The following ENTREP2 variants were observed in gnomAD, a reference collection of about 807,000 sequenced individuals.
The protein encoded by ENTREP2 is endosomal transmembrane epsin interactor 2.
the ENTREP2 span, among the ~76,000 whole-genome samples, chr15:29,275,445 T>C: frequency 6.6e-6 from 1 of 152,232 alleles, no homozygotes; most frequent in African/African-American, 2.4e-5. Flanking sequence ...ATGGCATTTG[T>C]GACTTTCTGT....
the ENTREP2 span, chr15:29,235,126 A>G: frequency 1.0e-6 from 1 of 990,718 alleles, no homozygotes. Flanking sequence ...GGCAGGAGCC[A>G]CCCCGAGACA....
At chr15:29,347,796 C>T in the ENTREP2 span, among the ~76,000 whole-genome samples, 24 of 152,188 alleles carry the variant, frequency 1.6e-4, no homozygotes, top group African/African-American at 5.5e-4. Context: ...GCCAACACAG[C>T]AGCAACTGCA....
At chr15:29,261,071 A>T in the ENTREP2 span, among the ~76,000 whole-genome samples, 1 of 152,216 alleles carries the variant, frequency 6.6e-6, no homozygotes, top group African/African-American at 2.4e-5. Context: ...GAACAACACA[A>T]TTAACAAGCT....
At chr15:29,643,455 G>A in the ENTREP2 span, among the ~76,000 whole-genome samples, 1 of 152,162 alleles carries the variant, frequency 6.6e-6, no homozygotes, top group South Asian at 2.1e-4. Flanking sequence ...AGAAAATCTA[G>A]ACTCGAAAAT....
At chr15:29,305,052 T>A in the ENTREP2 span, among the ~76,000 whole-genome samples, 2 of 152,238 alleles carry the variant, frequency 1.3e-5, no homozygotes, top group East Asian at 1.9e-4. Context: ...TATGCCTTCA[T>A]TAGGATGTGA....
chr15:29,291,888 T>C, the ENTREP2 span, among the ~76,000 whole-genome samples: 1 of 152,084 alleles, frequency 6.6e-6, no homozygotes, highest in African/African-American at 2.4e-5. Context: ...TCAGAGTACA[T>C]TTAAAATATC....
chr15:29,433,165 G>A, the ENTREP2 span, among the ~76,000 whole-genome samples: 1 of 152,156 alleles, frequency 6.6e-6, no homozygotes, highest in Non-Finnish European at 1.5e-5. Flanking sequence ...CCCAGCACTG[G>A]TGGCTGTGAC....
At chr15:29,616,587 G>C in the ENTREP2 span, among the ~76,000 whole-genome samples, 10 of 152,134 alleles carry the variant, frequency 6.6e-5, no homozygotes, top group African/African-American at 2.4e-4. Context: ...CTGATTGGTT[G>C]AATTTTTGAT....
chr15:29,648,894 G>C, the ENTREP2 span, among the ~76,000 whole-genome samples: 1 of 151,756 alleles, frequency 6.6e-6, no homozygotes, highest in Non-Finnish European at 1.5e-5. Context: ...AGCCAAGACT[G>C]TGCCATTGTA....
At chr15:29,158,422 T>G in the ENTREP2 span, among the ~76,000 whole-genome samples, 11 of 104,280 alleles carry the variant, frequency 1.1e-4, no homozygotes, top group Non-Finnish European at 1.8e-4. Context: ...TTTTTTTTTT[T>G]TGAGATGTAG....
chr15:29,523,951 G>A, the ENTREP2 span, among the ~76,000 whole-genome samples: 197 of 152,186 alleles, frequency 1.3e-3, no homozygotes, highest in Admixed American at 8.5e-3. Context: ...AGATATAGAT[G>A]TAAATTTTCA....
the ENTREP2 span, among the ~76,000 whole-genome samples, chr15:29,516,253 T>A: frequency 6.6e-6 from 1 of 152,082 alleles, no homozygotes; most frequent in African/African-American, 2.4e-5. Flanking sequence ...TCACACAGGG[T>A]ACACACAGTC....
the ENTREP2 span, among the ~76,000 whole-genome samples, chr15:29,644,620 T>A: frequency 2.7e-5 from 4 of 150,894 alleles, no homozygotes; most frequent in Admixed American, 2.0e-4. Flanking sequence ...CTGGGCAACA[T>A]GGTGAAACCC....
At chr15:29,168,459 A>T in the ENTREP2 span, among the ~76,000 whole-genome samples, 78 of 152,358 alleles carry the variant, frequency 5.1e-4, no homozygotes, top group African/African-American at 1.7e-3. Flanking sequence ...TCTGTAATTT[A>T]AATTTTCCAC....
chr15:29,583,926 GA>G, the ENTREP2 span, among the ~76,000 whole-genome samples: 1 of 152,106 alleles, frequency 6.6e-6, no homozygotes, highest in Non-Finnish European at 1.5e-5. Flanking sequence ...CTAAAACTGT[GA>G]AACTCTTTGA....
the ENTREP2 span, among the ~76,000 whole-genome samples, chr15:29,287,491 C>A: frequency 2.0e-5 from 3 of 151,766 alleles, no homozygotes; most frequent in Admixed American, 2.0e-4. Flanking sequence ...TGTGGCACAG[C>A]AATAGATAAC....
At chr15:29,301,690 T>C in the ENTREP2 span, among the ~76,000 whole-genome samples, 2 of 152,122 alleles carry the variant, frequency 1.3e-5, no homozygotes, top group Non-Finnish European at 2.9e-5. Flanking sequence ...TTGTGGCCCA[T>C]GAGATTAACA....
the ENTREP2 span, among the ~76,000 whole-genome samples, chr15:29,587,462 C>T: frequency 6.6e-6 from 1 of 152,042 alleles, no homozygotes; most frequent in African/African-American, 2.4e-5. Flanking sequence ...TAAGAATACT[C>T]ATTGTAAGGC....
At chr15:29,215,129 G>A in the ENTREP2 span, among the ~76,000 whole-genome samples, 2 of 152,148 alleles carry the variant, frequency 1.3e-5, no homozygotes, top group Admixed American at 6.6e-5. Context: ...CCAGTGTTAG[G>A]TGCATATATG....
Sources: gnomAD v4.1 joint callset for allele counts (sites outside exome capture counted in the v4.1 genomes callset) on GRCh38, gnomAD v4.1.1 for gene constraint, MANE v1.5 for transcripts, NCBI Gene and HGNC (gene_info 2026-07-23, HGNC 2026-07-21) for gene names.